RBFOX1: variants seen among roughly 807,000 people sequenced by gnomAD.
The protein encoded by RBFOX1 is RNA binding fox-1 homolog 1, also known as RNA binding protein fox-1 homolog 1.
Under a neutral mutation model 57.7 loss-of-function variants are expected in RBFOX1, and 8 were observed. That is an observed-to-expected ratio of 0.14 (90% CI 0.08 to 0.25). RBFOX1 has a LOEUF of 0.25. Ranked by LOEUF, RBFOX1 falls within the 10% of genes least tolerant of loss-of-function variation. RBFOX1 has a pLI of 1.00. For synonymous variants in RBFOX1, 326 were observed against 222.4 expected (o/e 1.47, Z -4.15); for missense variants, 611 against 548.5 (o/e 1.11, Z -1.14).
At chr16:6,310,728 G>C (rs1353353855) in intron 1 of RBFOX1, among the ~76,000 whole-genome samples, 2 of 152,120 alleles carry the variant, frequency 1.3e-5, no homozygotes, top group Non-Finnish European at 2.9e-5. Flanking sequence ...GCTTCGAGGT[G>C]CTGCCACTCC....
At chr16:6,535,398 C>G (rs1269837960) in intron 2 of RBFOX1, among the ~76,000 whole-genome samples, 1 of 148,288 alleles carries the variant, frequency 6.7e-6, no homozygotes, top group Non-Finnish European at 1.5e-5. Flanking sequence ...AGAAGTCTCA[C>G]AAGCCCTGCC....
At chr16:5,243,870 A>G (rs990972462) in intron 1 of RBFOX1, among the ~76,000 whole-genome samples, 9 of 152,170 alleles carry the variant, frequency 5.9e-5, no homozygotes, top group African/African-American at 1.9e-4. Context: ...AAGACAGTAC[A>G]TGGAAAATGC....
chr16:6,272,933 T>C (rs964157601), intron 1 of RBFOX1, among the ~76,000 whole-genome samples: 1 of 152,136 alleles, frequency 6.6e-6, no homozygotes, highest in African/African-American at 2.4e-5. Context: ...TCATTAACTT[T>C]GATATAAAAC....
At chr16:6,177,510 A>G (rs1244551047) in intron 1 of RBFOX1, among the ~76,000 whole-genome samples, 1 of 152,100 alleles carries the variant, frequency 6.6e-6, no homozygotes, top group African/African-American at 2.4e-5. Context: ...TAACAAATAT[A>G]TATTGTATTC....
intron 2 of RBFOX1, among the ~76,000 whole-genome samples, chr16:5,512,493 G>T (rs1253796763): frequency 6.6e-6 from 1 of 151,880 alleles, no homozygotes; most frequent in African/African-American, 2.4e-5. Context: ...GAGCTATAGG[G>T]TGTTGGTTTA....
chr16:5,633,612 G>A (rs1339198443), intron 3 of RBFOX1, among the ~76,000 whole-genome samples: 2 of 152,032 alleles, frequency 1.3e-5, no homozygotes, highest in African/African-American at 2.4e-5. Flanking sequence ...GGTGGCTCAC[G>A]CCTGTAATCC....
At chr16:5,749,757 A>G (rs1172345390) in intron 3 of RBFOX1, among the ~76,000 whole-genome samples, 12 of 151,768 alleles carry the variant, frequency 7.9e-5, no homozygotes, top group Admixed American at 7.9e-4. Flanking sequence ...TATTCTAGTT[A>G]GGCATTTATC....
At chr16:7,680,523 AT>A (rs1191478608) in intron 14 of RBFOX1, among the ~76,000 whole-genome samples, 1 of 152,082 alleles carries the variant, frequency 6.6e-6, no homozygotes, top group Non-Finnish European at 1.5e-5. Flanking sequence ...TTTCACTCAG[AT>A]TTCATCACAG....
chr16:6,070,824 C>A (rs756236779), intron 1 of RBFOX1, among the ~76,000 whole-genome samples: 18 of 151,800 alleles, frequency 1.2e-4, no homozygotes, highest in Non-Finnish European at 2.1e-4. Flanking sequence ...CTCGCCCCCC[C>A]CACACACACA....
intron 4 of RBFOX1, among the ~76,000 whole-genome samples, chr16:7,361,772 C>A (rs992429910): frequency 6.6e-6 from 1 of 151,994 alleles, no homozygotes; most frequent in African/African-American, 2.4e-5. Context: ...CATCAAGGGG[C>A]AAACCGTGTG....
intron 3 of RBFOX1, among the ~76,000 whole-genome samples, chr16:6,851,994 C>T (rs758024856): frequency 3.4e-5 from 5 of 147,576 alleles, no homozygotes; most frequent in African/African-American, 1.0e-4. Context: ...GGTGTGATCT[C>T]GGCTCACTGC....
At chr16:6,686,443 C>G (rs149129606) in intron 3 of RBFOX1, among the ~76,000 whole-genome samples, 55 of 152,302 alleles carry the variant, frequency 3.6e-4, no homozygotes, top group Admixed American at 3.0e-3. Flanking sequence ...CCGTTGTACT[C>G]ACAACGCAGC....
intron 1 of RBFOX1, among the ~76,000 whole-genome samples, chr16:5,311,533 C>T (rs1433052439): frequency 2.6e-5 from 4 of 152,182 alleles, no homozygotes; most frequent in Non-Finnish European, 4.4e-5. Context: ...TATAAGCGTT[C>T]TGTTTTCACC....
intron 2 of RBFOX1, among the ~76,000 whole-genome samples, chr16:6,498,703 G>C (rs1418023228): frequency 6.6e-6 from 1 of 152,306 alleles, no homozygotes; most frequent in Non-Finnish European, 1.5e-5. Context: ...GATTGTCCCA[G>C]AGTATTTACA....
In RBFOX1 at chr16:5,687,920, G is replaced by A. The variant is rs774832461; in HGVS notation, c.318+88959G>A. On this transcript the variant is annotated intron_variant, in intron 3 of 19. Coordinates refer to the RBFOX1 transcript ENST00000641259. ...GCAGACTCTGCTCTACACCTTTAAG[G>A]AAATAGAATGTATACTGGGTTTGTT... Among the ~76,000 whole-genome samples the A allele has an allele frequency of 5.9e-4, 90 of 152,140 alleles. 1 individual carries two copies. Among genetic ancestry groups the A allele is most frequent in the South Asian group, 2.1e-3 (10 of 4,824 alleles).
At chr16:6,846,844 G>T (rs1360476064) in intron 3 of RBFOX1, among the ~76,000 whole-genome samples, 4 of 151,756 alleles carry the variant, frequency 2.6e-5, no homozygotes, top group Admixed American at 6.6e-5. Context: ...GATCTTGGAT[G>T]GCATGCTCAT....
At chr16:7,472,993 T>C (rs1205119866) in intron 4 of RBFOX1, among the ~76,000 whole-genome samples, 2 of 152,216 alleles carry the variant, frequency 1.3e-5, no homozygotes, top group Non-Finnish European at 2.9e-5. Flanking sequence ...CAGCAAGCTC[T>C]CCATTCCTCT....
intron 4 of RBFOX1, among the ~76,000 whole-genome samples, chr16:7,120,761 C>G (rs1008208788): frequency 6.8e-6 from 1 of 147,748 alleles, no homozygotes; most frequent in Non-Finnish European, 1.5e-5. Context: ...CTTCTCAACT[C>G]AATTTATGAG....
chr16:5,814,944 A>C (rs1277444662), intron 3 of RBFOX1, among the ~76,000 whole-genome samples: 5 of 151,604 alleles, frequency 3.3e-5, no homozygotes, highest in Admixed American at 3.3e-4. Flanking sequence ...TCAAAAAGAA[A>C]AAAAAGAAAA....
Sources: allele counts gnomAD v4.1 joint callset (sites outside exome capture counted in the v4.1 genomes callset), GRCh38; gene constraint gnomAD v4.1.1; transcripts MANE v1.5; gene names NCBI Gene and HGNC (gene_info 2026-07-23, HGNC 2026-07-21).